The following SHOX variants were observed in gnomAD, a reference collection of about 807,000 sequenced individuals.
The protein encoded by SHOX is short stature homeobox protein.
In SHOX, 12 loss-of-function variants were observed where a neutral mutation model predicts 29.6. The observed-to-expected ratio is 0.41, with a 90% confidence interval of 0.26 to 0.66. The LOEUF (loss-of-function observed/expected upper bound fraction) is 0.66, where lower values mean the gene tolerates loss of function less well. SHOX is among the 30% of genes least tolerant of loss of function. The pLI is 0.35. For synonymous variants in SHOX, 214 were observed against 200.6 expected (o/e 1.07, Z -0.57); for missense variants, 499 against 437.7 (o/e 1.14, Z -1.25).
chrX:651,366 T>C lies in SHOX; in HGVS notation c.*6730T>C, dbSNP rs1231290601. The C allele has an allele frequency of 3.1e-4, 141 of 455,302 alleles. No homozygotes were observed. Among genetic ancestry groups the C allele is most frequent in the East Asian group, 7.0e-5 (1 of 14,346 alleles). 28.2% of individuals were successfully genotyped at this position (455,302 alleles called of 1,614,324 possible). Reference sequence around the variant, plus strand: ...TCTTCACATTTCTATCCCTCTGTTATTGTCGGCAGGCGGTGAGGGGTAGAA... The same window carrying C: ...TCTTCACATTTCTATCCCTCTGTTACTGTCGGCAGGCGGTGAGGGGTAGAA... On this transcript the variant is annotated 3_prime_UTR_variant, in exon 5 of 5. Coordinates refer to ENST00000686671, the MANE Select transcript of SHOX (RefSeq NM_000451.4).
chrX:644,524 C>T lies in SHOX; in HGVS notation c.767C>T (p.Ser256Phe). The change falls in exon 5 of 5, where the codon TCC becomes TTC. Residue 256 changes from serine to phenylalanine, a missense_variant. Ser to Phe is a radical substitution (Grantham distance 155). Coordinates refer to ENST00000686671, the MANE Select transcript of SHOX (RefSeq NM_000451.4). ...FGLPIASLAE[S>F]ASAAAVVAAA... ...CTGCCCATCGCGTCGCTGGCCGAGT[C>T]CGCCTCGGCCGCCGCCGTGGTCGCC... 2 of 1,518,586 alleles carry T rather than the reference C, an allele frequency of 1.3e-6. No individual in the cohort carries two copies. Among genetic ancestry groups the T allele is most frequent in the Non-Finnish European group, 1.8e-6 (2 of 1,139,954 alleles). 94.1% of individuals were successfully genotyped at this position (1,518,586 alleles called of 1,614,324 possible).
At chrX:628,078 CT>C (rs2052570363), upstream of SHOX, among the ~76,000 whole-genome samples, 1 of 46,572 alleles carries the variant, frequency 2.1e-5, no homozygotes, top group African/African-American at 6.6e-5. Context: ...CCCTCTTTCT[CT>C]TCCCCCTCCC....
At chrX:638,042 T>C (rs192542211) in intron 2 of SHOX, among the ~76,000 whole-genome samples, 124 of 152,318 alleles carry the variant, frequency 8.1e-4, no homozygotes, top group African/African-American at 2.9e-3. Flanking sequence ...AATGTCATTA[T>C]TCACTGTCTG....
At chrX:653,683 G>C (rs1427046945), downstream of SHOX, among the ~76,000 whole-genome samples, 1 of 152,060 alleles carries the variant, frequency 6.6e-6, no homozygotes, top group Non-Finnish European at 1.5e-5. Context: ...AGATCTTTGA[G>C]TTTTTATGTA....
upstream of SHOX, among the ~76,000 whole-genome samples, chrX:627,566 C>T (rs1355427833): frequency 4.6e-5 from 7 of 152,290 alleles, no homozygotes; most frequent in East Asian, 3.9e-4. Flanking sequence ...ATGAATCGGA[C>T]GTGCGTGATT....
At chrX:655,608 CTCTCTCTATATATATATATATATATATA>C (rs1362740241), downstream of SHOX, among the ~76,000 whole-genome samples, 62 of 24,544 alleles carry the variant, frequency 2.5e-3, no homozygotes, top group East Asian at 0.018. Flanking sequence ...CTCTCTCTCT[CTCTCTCTATATATATATATATATATATA>C]TATATATATA....
At chrX:641,999 T>TA (rs1484693305) in intron 4 of SHOX, among the ~76,000 whole-genome samples, 1 of 152,184 alleles carries the variant, frequency 6.6e-6, no homozygotes, top group Non-Finnish European at 1.5e-5. Context: ...GCTCCCCACT[T>TA]ACTTTGGAGT....
chrX:651,445 C>T lies in SHOX; in HGVS notation c.*6809C>T. On this transcript the variant is annotated 3_prime_UTR_variant, in exon 5 of 5. Transcript: ENST00000686671. ...AACCAAAAAAAACCACCCTGAGTTTCTCTGGTGACGCCCTCATTCTCCTAA... is the reference window on the plus strand; with the variant it reads ...AACCAAAAAAAACCACCCTGAGTTTTTCTGGTGACGCCCTCATTCTCCTAA... 2 of 453,136 alleles carry T rather than the reference C, an allele frequency of 4.4e-6. No individual in the cohort carries two copies. Among genetic ancestry groups the T allele is most frequent in the South Asian group, 3.1e-5 (2 of 63,594 alleles). The allele number at this position is 453,136 out of a possible 1,614,324, so 28.1% of individuals were successfully genotyped here. A position where few individuals can be genotyped will look rare whatever the true frequency, so the allele number is the denominator to read the frequency against.
chrX:638,597 G>A (rs2052797109), intron 2 of SHOX, among the ~76,000 whole-genome samples: 1 of 152,154 alleles, frequency 6.6e-6, no homozygotes, highest in African/African-American at 2.4e-5. Flanking sequence ...ACTGCAGCCC[G>A]GTAGGACCCA....
upstream of SHOX, chrX:630,553 G>C (rs2052628837): frequency 2.3e-6 from 1 of 438,682 alleles, no homozygotes. Context: ...CCCCTCCTGC[G>C]CGCGCGCTCT....
At chrX:659,085 T>TG (rs1385704659) in exon 6 of SHOX, 1 of 68,224 alleles carries the variant, frequency 1.5e-5, no homozygotes, top group African/African-American at 2.1e-4. Context: ...TATTTTTAAT[T>TG]TTTTTTTTTT....
downstream of SHOX, among the ~76,000 whole-genome samples, chrX:654,614 A>G (rs1391385386): frequency 6.6e-6 from 1 of 152,206 alleles, no homozygotes; most frequent in Non-Finnish European, 1.5e-5. Flanking sequence ...AAAAAAGTCA[A>G]ATAATTAGGC....
chrX:624,718 T>TTTCTTTCTTTCTTTCTTTCTTTC, intron 1 of SHOX: 1 of 143,950 alleles, frequency 6.9e-6, no homozygotes, highest in African/African-American at 2.7e-5. Context: ...TCTTTCTTTC[T>TTTCTTTCTTTCTTTCTTTCTTTC]TTCTTTCTTT....
rs1375707933 is a variant in SHOX at position 630,972 on chromosome X, C to T, written c.75C>T (p.Gly25=). 4 of 1,613,662 alleles carry T rather than the reference C, an allele frequency of 2.5e-6. No individual in the cohort carries two copies. The highest frequency in any genetic ancestry group is 2.7e-5 in the African/African-American group (2 of 74,904). Residue 25 remains glycine, a synonymous_variant, in exon 1 of 5, where the codon GGC becomes GGT. Coordinates refer to ENST00000686671, the MANE Select transcript of SHOX (RefSeq NM_000451.4). The part of the protein sequence containing the change: ...KSKDGNGGGG[G]GGGKKDSITY... Reference sequence around the variant, plus strand: ...AGGACGGTAACGGCGGAGGCGGAGGCGGCGGAGGTAAGAAGGATTCCATTA... The same window carrying T: ...AGGACGGTAACGGCGGAGGCGGAGGTGGCGGAGGTAAGAAGGATTCCATTA...
intron 2 of SHOX, 28 bp from the exon 3 acceptor site, chrX:640,793 T>C: frequency 9.9e-6 from 16 of 1,613,764 alleles, no homozygotes; most frequent in Non-Finnish European, 1.4e-5. Flanking sequence ...CACAGGGCTC[T>C]TCACATCTCT....
chrX:634,912 C>G, intron 2 of SHOX, 86 bp downstream of exon 2: 2 of 1,394,424 alleles, frequency 1.4e-6, no homozygotes, highest in Admixed American at 2.3e-5. Flanking sequence ...CACCTGCGCC[C>G]GGGCCGCCGC....
In SHOX at chrX:649,749, A is replaced by G. The variant is rs1379417907; in HGVS notation, c.*5113A>G. On this transcript the variant is annotated 3_prime_UTR_variant, in exon 5 of 5. Transcript: ENST00000686671. ...AACACGTTGCTGGCCGAACTGAACGATGCTGGGTTGGGTCCTGATTGATAC... is the reference window on the plus strand; with the variant it reads ...AACACGTTGCTGGCCGAACTGAACGGTGCTGGGTTGGGTCCTGATTGATAC... Among the ~76,000 whole-genome samples, 5 of 152,224 alleles carry G rather than the reference A, an allele frequency of 3.3e-5. No individual in the cohort carries two copies. In the East Asian group the frequency reaches 9.7e-4, roughly 29 times the overall value.
At chrX:657,079 G>A (rs1376636177) in intron 5 of SHOX, among the ~76,000 whole-genome samples, 2 of 29,544 alleles carry the variant, frequency 6.8e-5, no homozygotes, top group Admixed American at 3.8e-4. Flanking sequence ...GCAAGACTCC[G>A]TCTCAAAAAA....
downstream of SHOX, among the ~76,000 whole-genome samples, chrX:654,920 TCGGGTGATCCACCC>T (rs2053116375): frequency 1.0e-5 from 1 of 97,716 alleles, no homozygotes; most frequent in Admixed American, 8.6e-5. Flanking sequence ...GCTCCCGACC[TCGGGTGATCCACCC>T]GCCTCAGCCT....
Sources: gnomAD v4.1 joint callset for allele counts (sites outside exome capture counted in the v4.1 genomes callset) on GRCh38, gnomAD v4.1.1 for gene constraint, MANE v1.5 for transcripts, NCBI Gene and HGNC (gene_info 2026-07-23, HGNC 2026-07-21) for gene names.